The following GALNT17 variants were observed in gnomAD, a reference collection of about 807,000 sequenced individuals.
The protein encoded by GALNT17 is UDP-GalNAc:polypeptide N-acetylgalactosaminyltransferase-like 3.
GALNT17 carries 29 observed loss-of-function variants against 63.7 expected under a neutral mutation model. The observed-to-expected ratio is 0.46, with a 90% CI of 0.34 to 0.62. The LOEUF (loss-of-function observed/expected upper bound fraction) is 0.62, where lower values mean the gene tolerates loss of function less well. Ranked by LOEUF, GALNT17 falls within the 20% of genes least tolerant of loss-of-function variation. GALNT17 has a pLI of 0.01. For synonymous variants in GALNT17, 305 were observed against 318.3 expected (o/e 0.96, Z 0.45); for missense variants, 603 against 799.6 (o/e 0.75, Z 2.97).
intron 2 of GALNT17, among the ~76,000 whole-genome samples, chr7:71,364,418 T>C (rs1792463791): frequency 6.6e-6 from 1 of 152,190 alleles, no homozygotes; most frequent in Non-Finnish European, 1.5e-5. Flanking sequence ...ACCAATATCC[T>C]GCTGGGCCTA....
chr7:71,233,907 G>GC (rs912004164), intron 1 of GALNT17, among the ~76,000 whole-genome samples: 9 of 152,302 alleles, frequency 5.9e-5, no homozygotes, highest in African/African-American at 2.2e-4. Context: ...CAAAGGGGAA[G>GC]CAGGCACGTC....
intron 5 of GALNT17, among the ~76,000 whole-genome samples, chr7:71,488,757 T>C (rs1563130618): frequency 6.6e-6 from 1 of 150,776 alleles, no homozygotes; most frequent in East Asian, 1.9e-4. Flanking sequence ...TTTTTTTGTA[T>C]TTTTAGTAGA....
chr7:71,469,545 A>T (rs1484719791), intron 5 of GALNT17, among the ~76,000 whole-genome samples: 1 of 152,212 alleles, frequency 6.6e-6, no homozygotes, highest in Non-Finnish European at 1.5e-5. Flanking sequence ...AATGGAAGTG[A>T]GGTATAGAAA....
intron 2 of GALNT17, among the ~76,000 whole-genome samples, chr7:71,367,414 A>G (rs189303779): frequency 1.3e-5 from 2 of 152,348 alleles, no homozygotes; most frequent in Admixed American, 6.5e-5. Context: ...AGTCTGGACC[A>G]CTGGCATTTG....
chr7:71,512,927 T>A (rs868292837), intron 5 of GALNT17, among the ~76,000 whole-genome samples: 1 of 152,228 alleles, frequency 6.6e-6, no homozygotes, highest in Non-Finnish European at 1.5e-5. Context: ...GGCCTCCTCT[T>A]TTTTGAGCAC....
At chr7:71,369,811 CAAAAAAAAAAAAAA>C (rs763387719) in intron 2 of GALNT17, among the ~76,000 whole-genome samples, 6 of 72,136 alleles carry the variant, frequency 8.3e-5, no homozygotes, top group Non-Finnish European at 1.5e-4. Context: ...GGCTTTTTGT[CAAAAAAAAAAAAAA>C]AAAAAAAAAA....
intron 6 of GALNT17, among the ~76,000 whole-genome samples, chr7:71,603,045 T>A (rs968201526): frequency 2.0e-5 from 3 of 152,134 alleles, no homozygotes; most frequent in Non-Finnish European, 4.4e-5. Flanking sequence ...GTTACTATGC[T>A]AAGTGCATAC....
intron 1 of GALNT17, among the ~76,000 whole-genome samples, chr7:71,159,782 T>C (rs1788307055): frequency 6.6e-6 from 1 of 150,568 alleles, no homozygotes; most frequent in Non-Finnish European, 1.5e-5. Context: ...TGTTTTATTA[T>C]TATTTTGGGT....
chr7:71,712,338 A>C lies in GALNT17; in HGVS notation c.*192A>C. ...CCCCCTCAGGCATTCAGCTGCCCAC[A>C]AGTTTCCTGCACCCTGGAAAAGCCC... On this transcript the variant is annotated 3_prime_UTR_variant, in exon 11 of 11. Coordinates refer to ENST00000333538, the MANE Select transcript of GALNT17 (RefSeq NM_022479.3). The C allele has an allele frequency of 1.7e-6, 1 of 574,992 alleles. No individual in the cohort carries two copies. Among genetic ancestry groups the C allele is most frequent in the African/African-American group, 1.9e-5 (1 of 52,514 alleles). 35.6% of individuals were successfully genotyped at this position (574,992 alleles called of 1,614,324 possible).
At chr7:71,627,358 AC>A (rs1790389150) in intron 6 of GALNT17, among the ~76,000 whole-genome samples, 1 of 152,210 alleles carries the variant, frequency 6.6e-6, no homozygotes, top group Admixed American at 6.5e-5. Flanking sequence ...GTTCGAGGCC[AC>A]AGTGACCTGT....
At chr7:71,581,512 A>C (rs763815816) in intron 6 of GALNT17, among the ~76,000 whole-genome samples, 1 of 152,178 alleles carries the variant, frequency 6.6e-6, no homozygotes, top group African/African-American at 2.4e-5. Flanking sequence ...TAAGAACAGC[A>C]TGGGGGAAAC....
chr7:71,584,459 CTT>C (rs2116905369), intron 6 of GALNT17, among the ~76,000 whole-genome samples: 1 of 152,156 alleles, frequency 6.6e-6, no homozygotes, highest in South Asian at 2.1e-4. Context: ...TGCTCATTGA[CTT>C]TTTAAAAACA....
At chr7:71,529,886 G>C (rs1334204560) in intron 5 of GALNT17, among the ~76,000 whole-genome samples, 4 of 152,162 alleles carry the variant, frequency 2.6e-5, no homozygotes, top group Non-Finnish European at 5.9e-5. Context: ...CAAAAGAGTT[G>C]TTTAAGTTTG....
chr7:71,348,202 A>T (rs1383714984), intron 2 of GALNT17, among the ~76,000 whole-genome samples: 2 of 151,960 alleles, frequency 1.3e-5, no homozygotes, highest in Non-Finnish European at 2.9e-5. Flanking sequence ...AGGAGGTGGC[A>T]GTGAGCCAAG....
At position 71,245,989 on chromosome 7, in the gene GALNT17, T is replaced by C. The variant is rs200469846; in HGVS notation, c.239-89561T>C. ...ATTTGGAAGTACATACTCCGAGCCA[T>C]AAAAATATTTCATACCTCTGAACTA... On this transcript the variant is annotated intron_variant, in intron 1 of 10. Coordinates refer to ENST00000333538, the MANE Select transcript of GALNT17 (RefSeq NM_022479.3). Among the ~76,000 whole-genome samples the C allele has an allele frequency of 3.3e-5, 5 of 151,358 alleles. No individual in the cohort carries two copies. In the East Asian group the frequency reaches 9.8e-4, roughly 30 times the overall value.
chr7:71,597,749 T>C (rs1789909374), intron 6 of GALNT17, among the ~76,000 whole-genome samples: 1 of 151,840 alleles, frequency 6.6e-6, no homozygotes, highest in Admixed American at 6.6e-5. Flanking sequence ...CTGGCAGAGG[T>C]TGTGGGACTG....
intron 1 of GALNT17, among the ~76,000 whole-genome samples, chr7:71,146,568 G>A (rs1056854309): frequency 2.0e-5 from 3 of 152,166 alleles, no homozygotes; most frequent in African/African-American, 7.2e-5. Flanking sequence ...AGTCCAGGGA[G>A]AGGGAGTGCT....
intron 1 of GALNT17, among the ~76,000 whole-genome samples, chr7:71,195,112 C>T (rs1267734750): frequency 6.6e-6 from 1 of 152,188 alleles, no homozygotes; most frequent in Non-Finnish European, 1.5e-5. Flanking sequence ...ACATTACCTT[C>T]TTATATCCTC....
intron 6 of GALNT17, among the ~76,000 whole-genome samples, chr7:71,632,088 A>G (rs1031704356): frequency 6.0e-5 from 8 of 134,340 alleles, no homozygotes; most frequent in Non-Finnish European, 1.3e-4. Flanking sequence ...TGTTTAGTCT[A>G]AAAAAAAAAA....
Sources: allele counts gnomAD v4.1 joint callset (sites outside exome capture counted in the v4.1 genomes callset), GRCh38; gene constraint gnomAD v4.1.1; transcripts MANE v1.5; gene names NCBI Gene and HGNC (gene_info 2026-07-23, HGNC 2026-07-21).